Variants in KLHDC2 observed in about 807,000 individuals in gnomAD.
The protein encoded by KLHDC2 is kelch domain containing 2.
In KLHDC2, 38 loss-of-function variants were observed where a neutral mutation model predicts 62.3. The observed-to-expected ratio is 0.61, with a 90% CI of 0.47 to 0.80. The LOEUF is 0.80. KLHDC2 is among the 30% of genes least tolerant of loss of function. The pLI, the probability that KLHDC2 is intolerant of heterozygous loss-of-function variation, is 0.00. For synonymous variants in KLHDC2, 159 were observed against 161.0 expected, an observed-to-expected ratio of 0.99 and a Z score of 0.09; for missense variants, 430 against 495.3, an observed-to-expected ratio of 0.87 and a Z score of 1.25.
At chr14:49,778,017 C>A in intron 4 of KLHDC2, 63 bp downstream of exon 4, 1 of 1,066,330 alleles carries the variant, frequency 9.4e-7, no homozygotes, top group South Asian at 1.4e-5. Context: ...TTCAGGTATC[C>A]TTAGCCAGTA....
intron 11 of KLHDC2, 35 bp downstream of exon 11, chr14:49,782,492 T>TA: frequency 1.9e-6 from 3 of 1,597,100 alleles, no homozygotes; most frequent in Non-Finnish European, 2.6e-6. Flanking sequence ...TACTGAAACT[T>TA]ACTTGCAAAG....
intron 3 of KLHDC2, among the ~76,000 whole-genome samples, chr14:49,776,339 G>A (rs1889772593): frequency 2.0e-5 from 3 of 152,130 alleles, no homozygotes; most frequent in Non-Finnish European, 4.4e-5. Flanking sequence ...CTAGGGTTGT[G>A]TGTTTTAAGT....
At chr14:49,782,169 G>T (rs1889933903) in intron 10 of KLHDC2, 1 of 525,536 alleles carries the variant, frequency 1.9e-6, no homozygotes, top group Non-Finnish European at 3.4e-6. Context: ...AACGACCAGA[G>T]AGAGAAAATA....
chr14:49,778,084 C>T, intron 4 of KLHDC2, 94 bp from the exon 5 acceptor site: 1 of 938,324 alleles, frequency 1.1e-6, no homozygotes, highest in Non-Finnish European at 1.7e-6. Context: ...TGAATTAATA[C>T]ATGAAAGCAT....
chr14:49,768,412 T>A lies in KLHDC2; in HGVS notation c.-57T>A. 1 of 1,558,722 alleles carries A rather than the reference T, an allele frequency of 6.4e-7. No individual in the cohort carries two copies. Among genetic ancestry groups the A allele is most frequent in the Non-Finnish European group, 8.7e-7 (1 of 1,149,560 alleles). ...TGTGCATTTCTCTCCTTTTCCTTTG[T>A]TTTTTTGGCCCCTCGCGGGTGTGGG... On this transcript the variant is annotated 5_prime_UTR_variant, in exon 1 of 13. Transcript: ENST00000298307.
At chr14:49,776,356 G>A (rs975747058) in intron 3 of KLHDC2, among the ~76,000 whole-genome samples, 3 of 152,158 alleles carry the variant, frequency 2.0e-5, no homozygotes, top group Non-Finnish European at 2.9e-5. Flanking sequence ...AAGTTTGACT[G>A]AATGGAAGCT....
At chr14:49,778,972 C>T (rs1486779763) in intron 6 of KLHDC2, among the ~76,000 whole-genome samples, 1 of 152,092 alleles carries the variant, frequency 6.6e-6, no homozygotes, top group Non-Finnish European at 1.5e-5. Flanking sequence ...ATTTGCCCAC[C>T]TCGGCCTCCC....
Position 49,785,414 on chromosome 14 carries a change from A to G in KLHDC2, c.*2461A>G. On this transcript the variant is annotated 3_prime_UTR_variant, in exon 13 of 13. Transcript: ENST00000298307. ...GAATTAGTATCTCAACATATTTTTT[A>G]TCTTTTCCTGATATACATACCATCT... is the stretch of plus-strand genomic sequence containing the variant. 2 of 832,094 alleles carry G rather than the reference A, an allele frequency of 2.4e-6. No individual in the cohort carries two copies. Among genetic ancestry groups the G allele is most frequent in the Non-Finnish European group, 4.1e-6 (2 of 487,912 alleles). 51.5% of individuals were successfully genotyped at this position (832,094 alleles called of 1,614,324 possible). A position where few individuals can be genotyped will look rare whatever the true frequency, so the allele number is the denominator to read the frequency against.
At chr14:49,768,971 G>C in intron 1 of KLHDC2, 1 of 225,482 alleles carries the variant, frequency 4.4e-6, no homozygotes, top group Non-Finnish European at 8.7e-6. Context: ...GAAAGGTGAC[G>C]GTGTGTGATA....
intron 6 of KLHDC2, 59 bp from the exon 7 acceptor site, chr14:49,779,536 A>C: frequency 7.8e-7 from 1 of 1,275,162 alleles, no homozygotes; most frequent in Non-Finnish European, 1.1e-6. Flanking sequence ...TCCAGAGTAG[A>C]CATAGGTATT....
chr14:49,774,471 A>C, intron 2 of KLHDC2, 90 bp from the exon 3 acceptor site: 1 of 820,484 alleles, frequency 1.2e-6, no homozygotes, highest in East Asian at 2.4e-5. Context: ...TTATTCCTTT[A>C]TTGTGAGGAT....
At position 49,784,941 on chromosome 14, in the gene KLHDC2, A is replaced by T; in HGVS notation, c.*1988A>T. On this transcript the variant is annotated 3_prime_UTR_variant, in exon 13 of 13. Coordinates refer to ENST00000298307, the MANE Select transcript of KLHDC2 (RefSeq NM_014315.3). ...GAACTTTACCTTTACGCTGCGGAAT[A>T]AGTCTTTTTCTCTTGCTGTTGCTTC... The T allele has an allele frequency of 6.2e-7, 1 of 1,613,730 alleles. No individual in the cohort carries two copies. Among genetic ancestry groups the T allele is most frequent in the Non-Finnish European group, 8.5e-7 (1 of 1,179,742 alleles).
intron 3 of KLHDC2, among the ~76,000 whole-genome samples, chr14:49,776,867 A>G (rs1889783583): frequency 1.3e-5 from 2 of 151,874 alleles, no homozygotes; most frequent in Non-Finnish European, 2.9e-5. Flanking sequence ...CAGTGAGCCG[A>G]GATCATGCCA....
Position 49,779,592 on chromosome 14 carries a change from T to C in KLHDC2, c.634-3T>C, listed in dbSNP as rs745713829. 30 of 1,612,662 alleles carry C rather than the reference T, an allele frequency of 1.9e-5. No homozygotes were observed. The highest frequency in any genetic ancestry group is 2.2e-5 in the Non-Finnish European group (26 of 1,178,962). On this transcript the variant is annotated splice_polypyrimidine_tract_variant and splice_region_variant and intron_variant, in intron 6 of 12. Transcript: ENST00000298307. Reference sequence around the variant, plus strand: ...CACTAACTTGCTTATGTGCCTCTAATAGGGTAAAGCACCTTCACCTCGTGC... The same window carrying C: ...CACTAACTTGCTTATGTGCCTCTAACAGGGTAAAGCACCTTCACCTCGTGC...
intron 5 of KLHDC2, 70 bp from the exon 6 acceptor site, chr14:49,778,341 G>C (rs1889815334): frequency 7.5e-7 from 1 of 1,324,786 alleles, no homozygotes; most frequent in African/African-American, 1.5e-5. Flanking sequence ...ATTTTTCTTT[G>C]GTAATCAGGC....
chr14:49,778,364 T>G (rs1368129203), intron 5 of KLHDC2, 47 bp from the exon 6 acceptor site: 2 of 1,374,574 alleles, frequency 1.5e-6, no homozygotes, highest in Non-Finnish European at 1.0e-6. Context: ...GCTGTCTAAT[T>G]TTATAAATAT....
At chr14:49,779,194 T>C (rs1889834748) in intron 6 of KLHDC2, among the ~76,000 whole-genome samples, 1 of 152,210 alleles carries the variant, frequency 6.6e-6, no homozygotes, top group South Asian at 2.1e-4. Context: ...ATATTTTGGA[T>C]TTTCCGATTA....
chr14:49,768,733 C>A, intron 1 of KLHDC2, 112 bp downstream of exon 1: 1 of 1,016,572 alleles, frequency 9.8e-7, no homozygotes, highest in Non-Finnish European at 1.4e-6. Flanking sequence ...CCGCCTGCGT[C>A]GCGCGCCCCA....
chr14:49,776,410 T>C (rs56273869), intron 3 of KLHDC2, among the ~76,000 whole-genome samples: 24,564 of 152,146 alleles, frequency 0.16, 2,294 homozygotes, highest in Non-Finnish European at 0.21. Flanking sequence ...GTCAGATATA[T>C]TCAGTTGCCT....
Sources: gnomAD v4.1 joint callset for allele counts (sites outside exome capture counted in the v4.1 genomes callset) on GRCh38, gnomAD v4.1.1 for gene constraint, MANE v1.5 for transcripts, NCBI Gene and HGNC (gene_info 2026-07-23, HGNC 2026-07-21) for gene names.